PHACTR3: variants seen among roughly 807,000 people sequenced by gnomAD.
PHACTR3 encodes protein phosphatase 1, regulatory subunit 123.
A neutral mutation model predicts 66.8 loss-of-function variants in PHACTR3; 16 were observed. That is an observed-to-expected ratio of 0.24 (90% confidence interval 0.16 to 0.36). The LOEUF is 0.36. Among genes scored for constraint, PHACTR3 ranks in the 10% least tolerant of loss-of-function variants. The pLI is 1.00. For missense variants in PHACTR3, 647 were observed against 719.9 expected (o/e 0.90, Z 1.16); for synonymous variants, 323 against 292.1 (o/e 1.11, Z -1.08).
intron 1 of PHACTR3, among the ~76,000 whole-genome samples, chr20:59,677,545 A>G (rs983042722): frequency 3.3e-5 from 5 of 152,238 alleles, no homozygotes; most frequent in Non-Finnish European, 7.3e-5. Flanking sequence ...TGGAAGCAAC[A>G]TTGGTTTCCA....
In PHACTR3 at chr20:59,604,955, G is replaced by A; in HGVS notation, c.-60G>A. On this transcript the variant is annotated 5_prime_UTR_variant, in exon 1 of 13. Transcript: ENST00000371015. Reference sequence around the variant, plus strand: ...AGCCCCCTCGCCGGTGACCTTGGCCGCCTCGGATGCTCTGATTCCACGCGG... The same window carrying A: ...AGCCCCCTCGCCGGTGACCTTGGCCACCTCGGATGCTCTGATTCCACGCGG... The A allele has an allele frequency of 8.9e-7, 1 of 1,129,156 alleles. No homozygotes were observed. 69.9% of individuals were successfully genotyped at this position (1,129,156 alleles called of 1,614,324 possible).
At chr20:59,717,896 G>A (rs1385956860) in intron 1 of PHACTR3, among the ~76,000 whole-genome samples, 1 of 152,094 alleles carries the variant, frequency 6.6e-6, no homozygotes, top group African/African-American at 2.4e-5. Context: ...CAGTTTCATT[G>A]TAGACAGATT....
chr20:59,843,317 A>G (rs541155980), intron 11 of PHACTR3: 2 of 152,098 alleles, frequency 1.3e-5, no homozygotes, highest in African/African-American at 4.8e-5. Context: ...CAAAATACCA[A>G]TGTCATTTTT....
intron 1 of PHACTR3, among the ~76,000 whole-genome samples, chr20:59,734,460 G>A (rs1398398691): frequency 3.3e-5 from 5 of 151,996 alleles, no homozygotes; most frequent in Admixed American, 6.6e-5. Flanking sequence ...GTCTCACTAC[G>A]TTGCCCAGGC....
intron 7 of PHACTR3, among the ~76,000 whole-genome samples, chr20:59,798,030 A>G (rs2041304287): frequency 6.6e-6 from 1 of 152,218 alleles, no homozygotes; most frequent in Non-Finnish European, 1.5e-5. Context: ...TCATGCTGCT[A>G]TAACAAAATA....
intron 3 of PHACTR3, among the ~76,000 whole-genome samples, chr20:59,748,855 A>G (rs1049385648): frequency 1.3e-5 from 2 of 152,216 alleles, no homozygotes; most frequent in Non-Finnish European, 2.9e-5. Context: ...AATTTGGCCC[A>G]AATATCAGGA....
At chr20:59,740,460 G>A (rs1333792969) in intron 1 of PHACTR3, among the ~76,000 whole-genome samples, 1 of 151,502 alleles carries the variant, frequency 6.6e-6, no homozygotes, top group African/African-American at 2.4e-5. Flanking sequence ...CATGCCTGGG[G>A]AATTTCCAAA....
At chr20:59,730,367 G>A (rs1323346268) in intron 1 of PHACTR3, among the ~76,000 whole-genome samples, 1 of 152,296 alleles carries the variant, frequency 6.6e-6, no homozygotes, top group East Asian at 1.9e-4. Flanking sequence ...CACTTAATGA[G>A]CGAGGAGGGC....
chr20:59,635,543 CT>C (rs2034870968), intron 1 of PHACTR3, among the ~76,000 whole-genome samples: 1 of 151,984 alleles, frequency 6.6e-6, no homozygotes, highest in Middle Eastern at 3.2e-3. Context: ...CTGCTCCTTG[CT>C]TTTTATTATG....
chr20:59,645,913 G>C (rs1281602754), intron 1 of PHACTR3, among the ~76,000 whole-genome samples: 1 of 152,082 alleles, frequency 6.6e-6, no homozygotes, highest in Non-Finnish European at 1.5e-5. Flanking sequence ...TTTTAATAAG[G>C]CTGTTGAGCC....
At chr20:59,637,923 C>T (rs1026680608) in intron 1 of PHACTR3, among the ~76,000 whole-genome samples, 10 of 152,150 alleles carry the variant, frequency 6.6e-5, no homozygotes, top group Admixed American at 6.5e-4. Flanking sequence ...CCTGAAGCCT[C>T]ATGAGAGCTC....
At chr20:59,788,190 G>A (rs2040980297) in intron 7 of PHACTR3, among the ~76,000 whole-genome samples, 1 of 152,108 alleles carries the variant, frequency 6.6e-6, no homozygotes, top group African/African-American at 2.4e-5. Context: ...ACACATAAGT[G>A]AGAACATACG....
intron 1 of PHACTR3, among the ~76,000 whole-genome samples, chr20:59,678,753 C>T (rs1231278274): frequency 3.9e-5 from 6 of 152,168 alleles, no homozygotes; most frequent in African/African-American, 1.4e-4. Context: ...AGATGCAAAA[C>T]ACAATTGATC....
intron 1 of PHACTR3, among the ~76,000 whole-genome samples, chr20:59,690,876 C>G (rs970691020): frequency 3.9e-5 from 6 of 152,192 alleles, no homozygotes; most frequent in African/African-American, 1.4e-4. Context: ...CCACCAGAGA[C>G]ATTCCTGGGG....
intron 1 of PHACTR3, among the ~76,000 whole-genome samples, chr20:59,591,666 A>C (rs1379939635): frequency 6.6e-6 from 1 of 152,034 alleles, no homozygotes; most frequent in Non-Finnish European, 1.5e-5. Context: ...GTTGAGACCC[A>C]TTGAGATCCA....
At chr20:59,696,631 C>T (rs943156792) in intron 1 of PHACTR3, among the ~76,000 whole-genome samples, 4 of 152,158 alleles carry the variant, frequency 2.6e-5, no homozygotes, top group Non-Finnish European at 5.9e-5. Context: ...GCTGAGAAGG[C>T]CGGGGAGCAG....
chr20:59,588,630 C>T (rs1228310226), intron 1 of PHACTR3, among the ~76,000 whole-genome samples: 2 of 152,208 alleles, frequency 1.3e-5, no homozygotes, highest in African/African-American at 4.8e-5. Flanking sequence ...CCGCCATCTT[C>T]CCGGTACTGC....
At chr20:59,742,977 A>G (rs1199068478) in intron 1 of PHACTR3, 130 bp from the exon 2 acceptor site, 1 of 1,066,570 alleles carries the variant, frequency 9.4e-7, no homozygotes. Flanking sequence ...CTGCTGGACA[A>G]CCATCCTGGG....
chr20:59,824,741 A>G (rs1159427399), intron 8 of PHACTR3, among the ~76,000 whole-genome samples: 1 of 152,176 alleles, frequency 6.6e-6, no homozygotes, highest in Non-Finnish European at 1.5e-5. Flanking sequence ...CTGAGCATTG[A>G]CCACCAGGGA....
Sources: allele counts gnomAD v4.1 joint callset (sites outside exome capture counted in the v4.1 genomes callset), GRCh38; gene constraint gnomAD v4.1.1; transcripts MANE v1.5; gene names NCBI Gene and HGNC (gene_info 2026-07-23, HGNC 2026-07-21).